Variants in PVT1 observed in about 807,000 individuals in gnomAD.
The protein encoded by PVT1 is Pvt1 oncogene, also known as CXCR4/PVT1 fusion.
At chr8:127,939,216 C>T (rs1816314470) in intron 3 of PVT1, among the ~76,000 whole-genome samples, 1 of 152,152 alleles carries the variant, frequency 6.6e-6, no homozygotes, top group African/African-American at 2.4e-5. Flanking sequence ...TTTAAGGGCT[C>T]CATGTACAAA....
chr8:127,886,213 G>A (rs1410268789), intron 2 of PVT1, among the ~76,000 whole-genome samples: 1 of 152,140 alleles, frequency 6.6e-6, no homozygotes, highest in East Asian at 1.9e-4. Context: ...TAAGAAATTA[G>A]AACCACTGTT....
At position 127,899,359 on chromosome 8, in the gene PVT1, C is replaced by G. The variant is rs566367402; in HGVS notation, n.782+8361C>G. 3.0e-4 allele frequency among the ~76,000 whole-genome samples: 45 copies of G among 152,300 alleles called. No individual in the cohort carries two copies. In the South Asian group the frequency reaches 4.4e-3, roughly 15 times the overall value. ...CCATCTCCCCTCTCTGAACATGATG[C>G]ATAGTAAGCCCTGAATCTCATTTAA... On this transcript the variant is annotated intron_variant and non_coding_transcript_variant, in intron 3 of 10. Coordinates refer to ENST00000651587, the Ensembl canonical transcript of PVT1.
intron 3 of PVT1, among the ~76,000 whole-genome samples, chr8:127,962,937 C>T (rs1816663371): frequency 6.6e-6 from 1 of 152,112 alleles, no homozygotes; most frequent in South Asian, 2.1e-4. Context: ...AGGAGCAGTC[C>T]CTATTTTACT....
intron 4 of PVT1, among the ~76,000 whole-genome samples, chr8:128,046,597 G>A (rs1266819995): frequency 6.6e-6 from 1 of 152,172 alleles, no homozygotes; most frequent in Non-Finnish European, 1.5e-5. Flanking sequence ...AGCCTACACA[G>A]CCCCCCATCG....
Position 128,013,012 on chromosome 8 carries a change from C to G in PVT1, n.912+23721C>G, listed in dbSNP as rs145942360. On this transcript the variant is annotated intron_variant and non_coding_transcript_variant, in intron 4 of 10. Transcript: ENST00000651587. Reference sequence around the variant, plus strand: ...GGCATGAAGGGGCCTGCTATGTTCCCAGGGCCTGCTAGCTCTGTGCCGATT... The same window carrying G: ...GGCATGAAGGGGCCTGCTATGTTCCGAGGGCCTGCTAGCTCTGTGCCGATT... Among the ~76,000 whole-genome samples, 1,398 of 152,270 alleles carry G rather than the reference C, an allele frequency of 9.2e-3. 30 individuals are homozygous for G. Among genetic ancestry groups the G allele is most frequent in the African/African-American group, 0.028 (1,162 of 41,546 alleles).
chr8:127,931,435 C>T (rs1228735787), intron 3 of PVT1, among the ~76,000 whole-genome samples: 1 of 152,166 alleles, frequency 6.6e-6, no homozygotes, highest in Non-Finnish European at 1.5e-5. Context: ...TCTCTAGGAC[C>T]CTGACTGGCT....
intron 2 of PVT1, among the ~76,000 whole-genome samples, chr8:127,875,143 T>G (rs1815391900): frequency 6.6e-6 from 1 of 152,160 alleles, no homozygotes; most frequent in East Asian, 1.9e-4. Context: ...GGATTTTGGT[T>G]TTAACTCTTT....
At chr8:127,987,122 G>T (rs1248817140) in intron 3 of PVT1, among the ~76,000 whole-genome samples, 1 of 152,222 alleles carries the variant, frequency 6.6e-6, no homozygotes, top group Non-Finnish European at 1.5e-5. Context: ...TGTGTGTTCA[G>T]TGAGGTGCCA....
chr8:128,098,350 G>A (rs1814454853), intron 6 of PVT1, among the ~76,000 whole-genome samples: 1 of 152,158 alleles, frequency 6.6e-6, no homozygotes, highest in African/African-American at 2.4e-5. Flanking sequence ...GTGCCTCTGT[G>A]ATCAACAGGC....
intron 3 of PVT1, among the ~76,000 whole-genome samples, chr8:127,980,309 T>A (rs1452806179): frequency 1.3e-5 from 2 of 152,174 alleles, no homozygotes; most frequent in Non-Finnish European, 2.9e-5. Flanking sequence ...AATATGTATA[T>A]CTATTATGTT....
chr8:128,092,803 C>T (rs1169999027), intron 5 of PVT1, among the ~76,000 whole-genome samples: 1 of 152,174 alleles, frequency 6.6e-6, no homozygotes, highest in East Asian at 1.9e-4. Flanking sequence ...GTGCCATTAC[C>T]TTTAATGGCA....
chr8:127,819,252 C>G (rs998733151), intron 2 of PVT1, among the ~76,000 whole-genome samples: 2 of 152,142 alleles, frequency 1.3e-5, no homozygotes, highest in African/African-American at 4.8e-5. Flanking sequence ...TCCTGGGATC[C>G]AAGTGTGAGC....
chr8:128,026,517 C>T (rs1032651916), intron 4 of PVT1, among the ~76,000 whole-genome samples: 1 of 152,112 alleles, frequency 6.6e-6, no homozygotes, highest in Non-Finnish European at 1.5e-5. Context: ...CCAAGCCCCA[C>T]GTCGAGCAGT....
At chr8:128,018,693 C>G (rs1817400943) in intron 4 of PVT1, among the ~76,000 whole-genome samples, 1 of 152,182 alleles carries the variant, frequency 6.6e-6, no homozygotes, top group African/African-American at 2.4e-5. Flanking sequence ...AAGGAGGCTG[C>G]ATCCTGACAT....
intron 4 of PVT1, among the ~76,000 whole-genome samples, chr8:128,000,751 G>C (rs1231681460): frequency 6.6e-6 from 1 of 152,138 alleles, no homozygotes; most frequent in Non-Finnish European, 1.5e-5. Flanking sequence ...TGTTGTTGTT[G>C]TTTATTCCAT....
chr8:127,933,014 A>G (rs1164766759), intron 3 of PVT1, among the ~76,000 whole-genome samples: 1 of 152,182 alleles, frequency 6.6e-6, no homozygotes. Flanking sequence ...TGGAGGCTAT[A>G]AAAGGGCATA....
At chr8:128,087,716 C>T (rs1489137172) in intron 5 of PVT1, among the ~76,000 whole-genome samples, 1 of 149,766 alleles carries the variant, frequency 6.7e-6, no homozygotes, top group African/African-American at 2.5e-5. Context: ...CATGGAAACC[C>T]TCTAACTCTG....
At chr8:127,978,283 G>T (rs1397654191) in intron 3 of PVT1, among the ~76,000 whole-genome samples, 1 of 151,672 alleles carries the variant, frequency 6.6e-6, no homozygotes, top group Non-Finnish European at 1.5e-5. Flanking sequence ...TCCCTGAGTA[G>T]CTGGGATTAT....
chr8:127,923,823 A>G (rs926291624), intron 3 of PVT1, among the ~76,000 whole-genome samples: 2 of 152,220 alleles, frequency 1.3e-5, no homozygotes, highest in African/African-American at 4.8e-5. Context: ...AGCCCTGGGA[A>G]GTGTCAGATC....
Sources: gnomAD v4.1 joint callset for allele counts (sites outside exome capture counted in the v4.1 genomes callset) on GRCh38, gnomAD v4.1.1 for gene constraint, MANE v1.5 for transcripts, NCBI Gene and HGNC (gene_info 2026-07-23, HGNC 2026-07-21) for gene names.